Variants in CSMD3 observed in about 807,000 individuals in gnomAD.
CSMD3 encodes CUB and Sushi multiple domains 3.
CSMD3 carries 177 observed loss-of-function variants against 435.2 expected under a neutral mutation model. The observed-to-expected ratio is 0.41, with a 90% CI of 0.36 to 0.46. CSMD3 has a LOEUF of 0.46. Among genes scored for constraint, CSMD3 ranks in the 20% least tolerant of loss-of-function variants. The pLI, the probability that CSMD3 is intolerant of heterozygous loss-of-function variation, is 0.34. For synonymous variants in CSMD3, 1,656 were observed against 1,520.5 expected (o/e 1.09, Z -2.07); for missense variants, 4,265 against 4,504.6 (o/e 0.95, Z 1.52).
At chr8:112,234,139 G>T (rs563553540) in intron 68 of CSMD3, among the ~76,000 whole-genome samples, 1 of 148,232 alleles carries the variant, frequency 6.7e-6, no homozygotes, top group African/African-American at 2.5e-5. Flanking sequence ...CCACACACAC[G>T]TACACCCCAC....
chr8:113,340,732 G>C (rs2094112495), intron 1 of CSMD3, among the ~76,000 whole-genome samples: 1 of 151,954 alleles, frequency 6.6e-6, no homozygotes, highest in Admixed American at 6.6e-5. Context: ...AATTAGCCAG[G>C]TGCAGTAGCC....
At chr8:113,321,100 T>A (rs927419011) in intron 1 of CSMD3, among the ~76,000 whole-genome samples, 1 of 152,110 alleles carries the variant, frequency 6.6e-6, no homozygotes, top group South Asian at 2.1e-4. Flanking sequence ...GCAACCAGTC[T>A]ATCCTGCTAG....
At chr8:113,020,375 T>C (rs2086645119) in intron 5 of CSMD3, among the ~76,000 whole-genome samples, 1 of 152,098 alleles carries the variant, frequency 6.6e-6, no homozygotes, top group Non-Finnish European at 1.5e-5. Flanking sequence ...CTCCAGATAT[T>C]GGTCATGATT....
chr8:113,307,478 A>G (rs1377622004), intron 2 of CSMD3, among the ~76,000 whole-genome samples: 3 of 152,138 alleles, frequency 2.0e-5, no homozygotes, highest in Non-Finnish European at 4.4e-5. Context: ...ATAAGCAAAT[A>G]TTTATTGTAC....
chr8:112,404,743 A>T lies in CSMD3; in HGVS notation c.5809+1781T>A, dbSNP rs186267942. Among the ~76,000 whole-genome samples the T allele has an allele frequency of 1.1e-3, 167 of 152,256 alleles. 1 individual carries two copies. The highest frequency in any genetic ancestry group is 3.7e-3 in the African/African-American group (155 of 41,566). ...TTTTCATATGGCAAAATGTGTTATT[A>T]AAAAGTAATTTTATATATTTATGAT... On this transcript the variant is annotated intron_variant, in intron 35 of 70. Transcript: ENST00000297405.
At chr8:112,744,684 C>T (rs1367076387) in intron 13 of CSMD3, among the ~76,000 whole-genome samples, 4 of 151,642 alleles carry the variant, frequency 2.6e-5, no homozygotes, top group East Asian at 1.9e-4. Context: ...AATGAAGAGA[C>T]GACTTTGGGC....
At chr8:113,211,149 A>G (rs887289830) in intron 3 of CSMD3, among the ~76,000 whole-genome samples, 2 of 152,184 alleles carry the variant, frequency 1.3e-5, no homozygotes, top group African/African-American at 4.8e-5. Flanking sequence ...AAATATACTC[A>G]AATATAAAAA....
At chr8:112,842,396 T>C (rs897841338) in intron 11 of CSMD3, among the ~76,000 whole-genome samples, 1 of 151,838 alleles carries the variant, frequency 6.6e-6, no homozygotes, top group Non-Finnish European at 1.5e-5. Context: ...CTGAAATGTA[T>C]GAGAGTGTGT....
At chr8:113,263,086 T>A (rs67052461) in intron 3 of CSMD3, among the ~76,000 whole-genome samples, 1 of 151,900 alleles carries the variant, frequency 6.6e-6, no homozygotes, top group Admixed American at 6.6e-5. Context: ...TAATACTGCA[T>A]AAAGGATAGT....
intron 9 of CSMD3, among the ~76,000 whole-genome samples, chr8:112,922,270 G>A (rs113042908): frequency 6.6e-6 from 1 of 151,702 alleles, no homozygotes; most frequent in Non-Finnish European, 1.5e-5. Context: ...TATTTATGGG[G>A]TACCTAAGAT....
chr8:112,886,322 G>C (rs1057194296), intron 10 of CSMD3, among the ~76,000 whole-genome samples: 8 of 150,318 alleles, frequency 5.3e-5, no homozygotes, highest in Admixed American at 4.6e-4. Context: ...TTTCTTTTTT[G>C]CCTTTTGAAA....
At chr8:113,010,462 C>T (rs1301110837) in intron 6 of CSMD3, among the ~76,000 whole-genome samples, 2 of 151,720 alleles carry the variant, frequency 1.3e-5, no homozygotes, top group Non-Finnish European at 2.9e-5. Context: ...AATGATCTAT[C>T]ATTTTATCAG....
At chr8:113,223,758 GTGTA>G (rs749013695) in intron 3 of CSMD3, among the ~76,000 whole-genome samples, 11,454 of 130,784 alleles carry the variant, frequency 0.088, 680 homozygotes, top group African/African-American at 0.2. Flanking sequence ...GTTTATGTGT[GTGTA>G]TGTGTGTGTG....
intron 5 of CSMD3, chr8:113,098,465 C>A: frequency 2.6e-6 from 1 of 387,222 alleles, no homozygotes; most frequent in South Asian, 2.6e-5. Context: ...CAAGACTATT[C>A]AATTAATTTG....
intron 17 of CSMD3, among the ~76,000 whole-genome samples, chr8:112,658,270 CA>C (rs1351617290): frequency 6.6e-6 from 1 of 152,066 alleles, no homozygotes; most frequent in Non-Finnish European, 1.5e-5. Flanking sequence ...CAGTCTTTTG[CA>C]GTATGTGTTA....
At chr8:113,328,730 C>CTTTTTTTTTT (rs1433804259) in intron 1 of CSMD3, among the ~76,000 whole-genome samples, 8 of 64,024 alleles carry the variant, frequency 1.2e-4, no homozygotes, top group African/African-American at 5.4e-4. Context: ...TTCCTTCCTT[C>CTTTTTTTTTT]TTTTCTTTTT....
At chr8:112,918,142 T>A (rs1196326122) in intron 10 of CSMD3, among the ~76,000 whole-genome samples, 1 of 151,940 alleles carries the variant, frequency 6.6e-6, no homozygotes, top group Non-Finnish European at 1.5e-5. Flanking sequence ...ATACTCTATA[T>A]CACATATGGT....
At chr8:112,953,803 G>A (rs1402068309) in intron 8 of CSMD3, among the ~76,000 whole-genome samples, 1 of 151,206 alleles carries the variant, frequency 6.6e-6, no homozygotes, top group Non-Finnish European at 1.5e-5. Context: ...ATTTCATGAG[G>A]TCATTTGGAA....
intron 4 of CSMD3, among the ~76,000 whole-genome samples, chr8:113,139,146 A>C (rs2091487794): frequency 6.6e-6 from 1 of 151,000 alleles, no homozygotes. Context: ...AATACAACAT[A>C]AAAAAGACTT....
Sources: gnomAD v4.1 joint callset for allele counts (sites outside exome capture counted in the v4.1 genomes callset) on GRCh38, gnomAD v4.1.1 for gene constraint, MANE v1.5 for transcripts, NCBI Gene and HGNC (gene_info 2026-07-23, HGNC 2026-07-21) for gene names.